DACH2: variants seen among roughly 807,000 people sequenced by gnomAD.
The protein encoded by DACH2 is dachshund family transcription factor 2.
DACH2 carries 17 observed loss-of-function variants against 35.8 expected under a neutral mutation model. The ratio of observed to expected loss-of-function variants is 0.48; its 90% CI spans 0.33 to 0.71. DACH2 has a LOEUF of 0.71. Among genes scored for constraint, DACH2 ranks in the 30% least tolerant of loss-of-function variants. The pLI is 0.02. For synonymous variants in DACH2, 195 were observed against 177.3 expected (o/e 1.10, Z -0.79); for missense variants, 469 against 472.7 (o/e 0.99, Z 0.07).
At chrX:86,540,564 G>A (rs1347486949) in intron 3 of DACH2, among the ~76,000 whole-genome samples, 1 of 112,185 alleles carries the variant, frequency 8.9e-6, no homozygotes, top group Non-Finnish European at 1.9e-5. Context: ...TATATTGTCT[G>A]GTGAATATCC....
At chrX:86,298,866 A>T (rs1346859981) in intron 1 of DACH2, among the ~76,000 whole-genome samples, 2 of 111,766 alleles carry the variant, frequency 1.8e-5, no homozygotes, top group Non-Finnish European at 3.8e-5. Flanking sequence ...ATATTACTAG[A>T]TTTAAATAAT....
chrX:86,347,622 C>A (rs2035520036), intron 1 of DACH2, among the ~76,000 whole-genome samples: 1 of 112,910 alleles, frequency 8.9e-6, no homozygotes, highest in South Asian at 3.6e-4. Flanking sequence ...CAGCTGCCAG[C>A]TGTTTTAGCT....
chrX:86,472,205 T>C (rs187866736), intron 2 of DACH2, among the ~76,000 whole-genome samples: 1 of 111,697 alleles, frequency 9.0e-6, no homozygotes, highest in African/African-American at 3.3e-5. Context: ...ATTGTCTGGG[T>C]TGGCCCTTTG....
chrX:86,186,021 T>C (rs1314067925), intron 1 of DACH2, among the ~76,000 whole-genome samples: 1 of 112,702 alleles, frequency 8.9e-6, no homozygotes, highest in Non-Finnish European at 1.9e-5. Flanking sequence ...CTAGTATCTT[T>C]TTATAGTTGA....
intron 2 of DACH2, among the ~76,000 whole-genome samples, chrX:86,430,459 G>T (rs961368973): frequency 2.7e-5 from 3 of 112,716 alleles, no homozygotes; most frequent in African/African-American, 9.7e-5. Context: ...TTTTAAGAAT[G>T]TTAGCTACTA....
At chrX:86,261,524 A>AAGGC (rs1254823146) in intron 1 of DACH2, among the ~76,000 whole-genome samples, 5 of 111,833 alleles carry the variant, frequency 4.5e-5, no homozygotes, top group Non-Finnish European at 9.4e-5. Flanking sequence ...GGCAGGGATA[A>AAGGC]AGGCTTGATT....
intron 11 of DACH2, chrX:86,827,791 A>G (rs1435212119): frequency 1.7e-6 from 2 of 1,166,111 alleles, no homozygotes; most frequent in Admixed American, 2.6e-5. Context: ...CGGAACTCCA[A>G]CTGATCATAG....
intron 1 of DACH2, among the ~76,000 whole-genome samples, chrX:86,308,951 T>A (rs1470232615): frequency 1.8e-5 from 2 of 111,447 alleles, no homozygotes; most frequent in Non-Finnish European, 1.9e-5. Flanking sequence ...AGTGCCAGAA[T>A]TCATAATTGG....
intron 3 of DACH2, among the ~76,000 whole-genome samples, chrX:86,598,254 C>G (rs999104353): frequency 9.0e-6 from 1 of 110,896 alleles, no homozygotes; most frequent in African/African-American, 3.3e-5. Context: ...ATAAAATGTC[C>G]CTCTTTATTG....
chrX:86,751,080 T>G (rs1185825994), intron 7 of DACH2, among the ~76,000 whole-genome samples: 1 of 111,411 alleles, frequency 9.0e-6, no homozygotes, highest in Non-Finnish European at 1.9e-5. Context: ...TGCACAAGGT[T>G]CTAGTTTATC....
At chrX:86,302,755 G>C (rs910515665) in intron 1 of DACH2, among the ~76,000 whole-genome samples, 1 of 110,061 alleles carries the variant, frequency 9.1e-6, no homozygotes, top group African/African-American at 3.3e-5. Flanking sequence ...AGCTTACATT[G>C]TTTTTTCCTC....
At chrX:86,676,768 G>A (rs1412687176) in intron 4 of DACH2, among the ~76,000 whole-genome samples, 1 of 111,392 alleles carries the variant, frequency 9.0e-6, no homozygotes, top group Non-Finnish European at 1.9e-5. Flanking sequence ...TTAGCATACC[G>A]TTTGTTTTGA....
At chrX:86,556,436 T>A (rs1384480091) in intron 3 of DACH2, among the ~76,000 whole-genome samples, 1 of 110,354 alleles carries the variant, frequency 9.1e-6, no homozygotes. Context: ...CAAATATAAC[T>A]GGCTTTTCAA....
chrX:86,790,910 T>C (rs905520795), intron 7 of DACH2, among the ~76,000 whole-genome samples: 1 of 111,973 alleles, frequency 8.9e-6, no homozygotes, highest in Non-Finnish European at 1.9e-5. Flanking sequence ...GGAAACTTTA[T>C]TGATAATGTA....
In DACH2 at chrX:86,148,682, G is replaced by C; in HGVS notation, c.62G>C (p.Gly21Ala). The C allele has an allele frequency of 8.3e-7, 1 of 1,205,885 alleles. No individual in the cohort carries two copies. The highest frequency in any genetic ancestry group is 1.1e-6 in the Non-Finnish European group (1 of 892,571). ...TCCAGCGGCGCCGGCGTCCCGGGGGGCTTATTCCGGGCCGAACCCCTGTAC... is the reference window on the plus strand; with the variant it reads ...TCCAGCGGCGCCGGCGTCCCGGGGGCCTTATTCCGGGCCGAACCCCTGTAC... ...ATSSGAGVPG[G>A]LFRAEPLYST... Residue 21 changes from glycine to alanine, a missense_variant, in exon 1 of 12, where the codon GGC becomes GCC. Around this residue, in one of 3 missense-constraint regions of DACH2, gnomAD observed 99 missense variants for 114.3 expected, o/e 0.87. Coordinates refer to ENST00000373125, the MANE Select transcript of DACH2 (RefSeq NM_053281.3).
intron 2 of DACH2, among the ~76,000 whole-genome samples, chrX:86,424,472 T>A: frequency 9.0e-6 from 1 of 111,492 alleles, no homozygotes; most frequent in South Asian, 3.7e-4. Context: ...TTTTATTTTT[T>A]TCACATTGTT....
chrX:86,388,136 C>G (rs1319635075), intron 2 of DACH2, among the ~76,000 whole-genome samples: 1 of 112,039 alleles, frequency 8.9e-6, no homozygotes, highest in African/African-American at 3.2e-5. Context: ...AAGAGGAGCA[C>G]CTGTGAGCAC....
intron 1 of DACH2, among the ~76,000 whole-genome samples, chrX:86,322,737 C>G (rs1365127726): frequency 1.8e-5 from 2 of 112,266 alleles, no homozygotes; most frequent in Non-Finnish European, 3.8e-5. Flanking sequence ...GAGCTTTATA[C>G]TCTGCTGTTA....
At chrX:86,491,631 G>A (rs985302558) in intron 2 of DACH2, among the ~76,000 whole-genome samples, 3 of 111,468 alleles carry the variant, frequency 2.7e-5, no homozygotes, top group Non-Finnish European at 3.8e-5. Context: ...TTTTCAGAAC[G>A]TATTTTGACC....
Sources: allele counts gnomAD v4.1 joint callset (sites outside exome capture counted in the v4.1 genomes callset), GRCh38; gene constraint gnomAD v4.1.1; regional missense constraint gnomAD v4.1.1; transcripts MANE v1.5; gene names NCBI Gene and HGNC (gene_info 2026-07-23, HGNC 2026-07-21).